INSL6: variants seen among roughly 807,000 people sequenced by gnomAD.
INSL6 encodes insulin-like peptide INSL6.
A neutral mutation model predicts 9.4 loss-of-function variants in INSL6; 16 were observed. The observed-to-expected ratio is 1.70, with a 90% CI of 1.15 to 2.59. INSL6 has a LOEUF of 2.59. Ranked by LOEUF, INSL6 falls within the 30% of genes most tolerant of loss-of-function variation. The pLI is 0.00. For missense variants in INSL6, 391 were observed against 257.3 expected (o/e 1.52, Z -3.56); for synonymous variants, 154 against 96.9 (o/e 1.59, Z -3.46).
the INSL6 span, among the ~76,000 whole-genome samples, chr9:5,102,873 T>A: frequency 1.3e-5 from 2 of 151,992 alleles, no homozygotes; most frequent in Non-Finnish European, 2.9e-5. Flanking sequence ...CAGGCCTGCC[T>A]TACAAGATCT....
the INSL6 span, among the ~76,000 whole-genome samples, chr9:5,067,924 C>T: frequency 1.3e-4 from 20 of 152,076 alleles, no homozygotes; most frequent in East Asian, 3.9e-4. Flanking sequence ...GAGGCCAAGG[C>T]GGGTGGATCA....
the INSL6 span, among the ~76,000 whole-genome samples, chr9:4,999,149 C>A: frequency 6.6e-6 from 1 of 152,130 alleles, no homozygotes; most frequent in African/African-American, 2.4e-5. Flanking sequence ...AAGCTTTTGC[C>A]TGTCATGTGT....
At chr9:5,097,052 C>T in the INSL6 span, 4 of 152,112 alleles carry the variant, frequency 2.6e-5, no homozygotes, top group Non-Finnish European at 4.4e-5. Context: ...ACAGTTTATC[C>T]CCCTTTAGCT....
At chr9:5,060,626 T>C in the INSL6 span, among the ~76,000 whole-genome samples, 2 of 152,212 alleles carry the variant, frequency 1.3e-5, no homozygotes, top group African/African-American at 4.8e-5. Flanking sequence ...TCTAGTTCTC[T>C]TGCTATTTCT....
At chr9:5,174,492 ACT>A (rs1825254407) in intron 1 of INSL6, among the ~76,000 whole-genome samples, 1 of 151,856 alleles carries the variant, frequency 6.6e-6, no homozygotes, top group Admixed American at 6.6e-5. Flanking sequence ...ACGATATCAC[ACT>A]CTCTTTTCTT....
At chr9:5,114,196 A>G in the INSL6 span, 4 of 475,800 alleles carry the variant, frequency 8.4e-6, no homozygotes, top group South Asian at 1.8e-5. Flanking sequence ...GTGAGCACCT[A>G]CCTGAGCCGG....
chr9:5,095,176 A>C, the INSL6 span, among the ~76,000 whole-genome samples: 1 of 152,142 alleles, frequency 6.6e-6, no homozygotes, highest in African/African-American at 2.4e-5. Context: ...CAGCTAAATA[A>C]GCTATTGGGC....
At chr9:5,089,778 A>G in the INSL6 span, 1 of 1,600,342 alleles carries the variant, frequency 6.2e-7, no homozygotes, top group Non-Finnish European at 8.5e-7. Context: ...AAGAGCACCT[A>G]AGAGACTTTG....
chr9:5,080,414 A>G, the INSL6 span: 66 of 1,560,096 alleles, frequency 4.2e-5, no homozygotes, highest in Admixed American at 1.6e-4. Flanking sequence ...GAATTACTCT[A>G]TCTCTGAACT....
intron 3 of INSL6, among the ~76,000 whole-genome samples, chr9:5,128,966 C>G (rs894932932): frequency 2.0e-5 from 3 of 151,890 alleles, no homozygotes; most frequent in African/African-American, 4.8e-5. Flanking sequence ...ATGACTTTTT[C>G]CATGGGTACT....
intron 1 of INSL6, among the ~76,000 whole-genome samples, chr9:5,183,761 G>A (rs922156559): frequency 6.6e-6 from 1 of 151,882 alleles, no homozygotes; most frequent in African/African-American, 2.4e-5. Flanking sequence ...GAACAAGAAA[G>A]AGGAGTTTAA....
the INSL6 span, chr9:5,081,876 T>G: frequency 8.7e-6 from 14 of 1,601,146 alleles, no homozygotes; most frequent in Non-Finnish European, 1.2e-5. Context: ...ATTGTCAGAA[T>G]TTTTTCAAAT....
At chr9:5,076,919 G>T in the INSL6 span, among the ~76,000 whole-genome samples, 1 of 150,918 alleles carries the variant, frequency 6.6e-6, no homozygotes, top group Admixed American at 6.7e-5. Flanking sequence ...TTGTTTTTCT[G>T]GCAAAATATG....
intron 2 of INSL6, among the ~76,000 whole-genome samples, chr9:5,150,092 T>C (rs959312855): frequency 4.6e-5 from 7 of 152,148 alleles, no homozygotes; most frequent in African/African-American, 1.7e-4. Context: ...ATACAAAAAT[T>C]AACTCAAGAT....
chr9:5,184,955 G>C (rs896638746), intron 1 of INSL6, among the ~76,000 whole-genome samples: 4 of 152,198 alleles, frequency 2.6e-5, no homozygotes, highest in African/African-American at 9.7e-5. Flanking sequence ...GTGGTAGAAA[G>C]GACAATGGAG....
the INSL6 span, among the ~76,000 whole-genome samples, chr9:5,038,080 A>G: frequency 1.3e-5 from 2 of 152,266 alleles, no homozygotes; most frequent in Admixed American, 1.3e-4. Context: ...GATGCTGAGA[A>G]TTTTTTGAAA....
chr9:5,125,753 T>A (rs577644349), intron 3 of INSL6, among the ~76,000 whole-genome samples: 37 of 71,038 alleles, frequency 5.2e-4, no homozygotes, highest in African/African-American at 3.3e-3. Context: ...TGACTATATA[T>A]TTGTTGGGTG....
chr9:5,172,789 G>A (rs922697832), intron 1 of INSL6, among the ~76,000 whole-genome samples: 76 of 152,144 alleles, frequency 5.0e-4, no homozygotes, highest in African/African-American at 1.7e-3. Flanking sequence ...TTAGCTGGGC[G>A]TGGTGGTGTG....
chr9:5,137,097 A>C (rs1343853251), intron 2 of INSL6, among the ~76,000 whole-genome samples: 1 of 152,204 alleles, frequency 6.6e-6, no homozygotes. Context: ...ACTACAAACC[A>C]CTGCTCAAGG....
Sources: allele counts gnomAD v4.1 joint callset (sites outside exome capture counted in the v4.1 genomes callset), GRCh38; gene constraint gnomAD v4.1.1; transcripts MANE v1.5; gene names NCBI Gene and HGNC (gene_info 2026-07-23, HGNC 2026-07-21).